The following CTTNBP2 variants were observed in gnomAD, a reference collection of about 807,000 sequenced individuals.
CTTNBP2 encodes cortactin binding protein 2, also known as cortactin-binding protein 2.
In CTTNBP2, 108 loss-of-function variants were observed where a neutral mutation model predicts 156.9. The ratio of observed to expected loss-of-function variants is 0.69; its 90% CI spans 0.59 to 0.81. CTTNBP2 has a LOEUF of 0.81. Among genes scored for constraint, CTTNBP2 ranks in the 30% least tolerant of loss-of-function variants. The pLI is 0.00. For synonymous variants in CTTNBP2, 767 were observed against 751.8 expected, an observed-to-expected ratio of 1.02 and a Z score of -0.33; for missense variants, 1,924 against 2,035.4, an observed-to-expected ratio of 0.95 and a Z score of 1.05.
At chr7:117,803,071 A>T (rs1799726331) in intron 3 of CTTNBP2, among the ~76,000 whole-genome samples, 1 of 152,240 alleles carries the variant, frequency 6.6e-6, no homozygotes. Flanking sequence ...AAAAAGACAC[A>T]TGCATGCCTA....
At chr7:117,853,099 T>A (rs1803037476) in intron 2 of CTTNBP2, among the ~76,000 whole-genome samples, 1 of 152,312 alleles carries the variant, frequency 6.6e-6, no homozygotes, top group South Asian at 2.1e-4. Flanking sequence ...CCATCCCCTG[T>A]TCAATCTCTA....
intron 2 of CTTNBP2, among the ~76,000 whole-genome samples, chr7:117,820,870 G>A (rs7810599): frequency 0.026 from 4,023 of 152,128 alleles, 198 homozygotes; most frequent in African/African-American, 0.093. Context: ...ATTTTTAAAA[G>A]TCTCCTGAAA....
intron 3 of CTTNBP2, among the ~76,000 whole-genome samples, chr7:117,794,713 T>C (rs1799215691): frequency 6.6e-6 from 1 of 152,192 alleles, no homozygotes; most frequent in Non-Finnish European, 1.5e-5. Flanking sequence ...TAAATAGCAT[T>C]GGGATGTGTC....
intron 9 of CTTNBP2, 106 bp from the exon 10 acceptor site, chr7:117,760,816 C>A: frequency 2.6e-6 from 2 of 761,484 alleles, no homozygotes; most frequent in Non-Finnish European, 4.2e-6. Context: ...AATTATAAAC[C>A]AAAGCTATTT....
chr7:117,866,253 A>T (rs1389690236), intron 1 of CTTNBP2, among the ~76,000 whole-genome samples: 2 of 152,154 alleles, frequency 1.3e-5, no homozygotes, highest in African/African-American at 4.8e-5. Context: ...TTATGTGGGG[A>T]ATTCAATAGA....
intron 2 of CTTNBP2, among the ~76,000 whole-genome samples, chr7:117,837,263 T>TAAC (rs1802013611): frequency 6.6e-6 from 1 of 152,222 alleles, no homozygotes; most frequent in African/African-American, 2.4e-5. Context: ...CAGACTATTG[T>TAAC]AACAACAACA....
chr7:117,819,576 A>G (rs1800833407), intron 2 of CTTNBP2, among the ~76,000 whole-genome samples: 1 of 152,156 alleles, frequency 6.6e-6, no homozygotes, highest in African/African-American at 2.4e-5. Flanking sequence ...TAAATGAGAA[A>G]AGAACGGAAG....
intron 8 of CTTNBP2, among the ~76,000 whole-genome samples, chr7:117,769,604 G>A (rs1470678370): frequency 6.6e-6 from 1 of 152,148 alleles, no homozygotes; most frequent in Non-Finnish European, 1.5e-5. Context: ...TTAAGAAATT[G>A]CTAAGCTAAG....
At chr7:117,751,080 T>C (rs1198169731) in intron 12 of CTTNBP2, among the ~76,000 whole-genome samples, 4 of 152,238 alleles carry the variant, frequency 2.6e-5, no homozygotes, top group Admixed American at 6.5e-5. Context: ...TGTCAATTAG[T>C]GCTTTGTGAG....
chr7:117,824,791 T>C (rs1327258345), intron 2 of CTTNBP2, among the ~76,000 whole-genome samples: 1 of 152,248 alleles, frequency 6.6e-6, no homozygotes, highest in Non-Finnish European at 1.5e-5. Context: ...CCTAGGTTTC[T>C]TCAAATTGTA....
chr7:117,740,972 G>A lies in CTTNBP2; in HGVS notation c.3535+4859C>T, dbSNP rs114126746. ...TAGGAGATGAGGGTGAACTGCAGCA[G>A]GACAAGGATGAGAGGCCAGTCCACA... On this transcript the variant is annotated intron_variant, in intron 14 of 22. Transcript: ENST00000160373. 8.4e-3 allele frequency among the ~76,000 whole-genome samples: 1,277 copies of A among 152,260 alleles called. 22 individuals are homozygous for A. The highest frequency in any genetic ancestry group is 0.029 in the African/African-American group (1,221 of 41,546).
intron 4 of CTTNBP2, among the ~76,000 whole-genome samples, chr7:117,789,500 T>C (rs541940092): frequency 1.3e-5 from 2 of 152,298 alleles, no homozygotes; most frequent in South Asian, 4.1e-4. Context: ...AAAATTCCTC[T>C]CTGAGGGTGG....
In CTTNBP2 at chr7:117,827,431, T is replaced by G. The variant is rs932081260; in HGVS notation, c.190-16442A>C. ...ACAGAAGCATTTTCTTATTTGGCTT[T>G]GATCATGTGTGTTTGTGTTTAATCG... On this transcript the variant is annotated intron_variant, in intron 2 of 22. Coordinates refer to ENST00000160373, the MANE Select transcript of CTTNBP2 (RefSeq NM_033427.3). Among the ~76,000 whole-genome samples, 21 of 152,360 alleles carry G rather than the reference T, an allele frequency of 1.4e-4. 1 individual carries two copies. Among genetic ancestry groups the G allele is most frequent in the Admixed American group, 1.3e-3 (20 of 15,306 alleles).
intron 19 of CTTNBP2, among the ~76,000 whole-genome samples, chr7:117,722,257 G>GTT (rs34399167): frequency 4.3e-5 from 6 of 140,650 alleles, no homozygotes; most frequent in Admixed American, 1.4e-4. Context: ...TCCTGTGTTG[G>GTT]TTTTTTTTTT....
intron 1 of CTTNBP2, among the ~76,000 whole-genome samples, chr7:117,864,900 CATAT>C (rs943011768): frequency 1.4e-4 from 20 of 138,498 alleles, no homozygotes; most frequent in African/African-American, 2.1e-4. Flanking sequence ...AATATATATT[CATAT>C]ATATTCATTC....
chr7:117,779,267 T>C (rs1182792474), intron 7 of CTTNBP2, among the ~76,000 whole-genome samples: 1 of 152,202 alleles, frequency 6.6e-6, no homozygotes, highest in East Asian at 1.9e-4. Context: ...TTTCCCAATT[T>C]ATATTACAAA....
chr7:117,853,020 A>G (rs1447460380), intron 2 of CTTNBP2, among the ~76,000 whole-genome samples: 1 of 152,134 alleles, frequency 6.6e-6, no homozygotes, highest in East Asian at 1.9e-4. Flanking sequence ...GAGATTTCAT[A>G]GGGATAAGAA....
At chr7:117,861,918 G>A (rs1221941865) in intron 1 of CTTNBP2, among the ~76,000 whole-genome samples, 1 of 151,774 alleles carries the variant, frequency 6.6e-6, no homozygotes, top group Non-Finnish European at 1.5e-5. Context: ...CCAGATCCCT[G>A]GCTTGTCTTT....
rs1238866316 is a variant in CTTNBP2, at chr7:117,728,170, A to G, written c.3974T>C (p.Leu1325Ser). The change falls in exon 17 of 23, where the codon TTG (leucine) becomes TCG (serine). Residue 1325 changes from leucine (L) to serine (S), a missense_variant. Coordinates refer to ENST00000160373, the MANE Select transcript of CTTNBP2 (RefSeq NM_033427.3). The part of the protein sequence containing the change: ...WRQLNSCLAR[L>S]GTPEALLGPK... ...TCCAAGAAGTGCTTCAGGTGTGCCCAAGCGGGCCAGGCAGGAGTTAAGCTG... is the reference window on the plus strand; with the variant it reads ...TCCAAGAAGTGCTTCAGGTGTGCCCGAGCGGGCCAGGCAGGAGTTAAGCTG... 1 of 1,614,098 alleles carries G rather than the reference A, an allele frequency of 6.2e-7. No homozygotes were observed. The highest frequency in any genetic ancestry group is 8.5e-7 in the Non-Finnish European group (1 of 1,180,024).
Sources: allele counts gnomAD v4.1 joint callset (sites outside exome capture counted in the v4.1 genomes callset), GRCh38; gene constraint gnomAD v4.1.1; transcripts MANE v1.5; gene names NCBI Gene and HGNC (gene_info 2026-07-23, HGNC 2026-07-21).